The following RBPJ variants were observed in gnomAD, a reference collection of about 807,000 sequenced individuals.
RBPJ encodes the protein recombining binding protein suppressor of hairless.
A neutral mutation model predicts 67.8 loss-of-function variants in RBPJ; 9 were observed. The ratio of observed to expected loss-of-function variants is 0.13; its 90% confidence interval spans 0.08 to 0.23. The LOEUF (loss-of-function observed/expected upper bound fraction) is 0.23, where lower values mean the gene tolerates loss of function less well. RBPJ is among the 10% of genes least tolerant of loss of function. The probability of loss-of-function intolerance (pLI) is 1.00; values close to 1 mark genes in which losing one functional copy is unlikely to be tolerated. For synonymous variants in RBPJ, 198 were observed against 203.3 expected (o/e 0.97, Z 0.22); for missense variants, 305 against 595.6 (o/e 0.51, Z 5.08).
Position 26,431,662 on chromosome 4 carries a change from G to T in RBPJ, c.*655G>T, listed in dbSNP as rs749320486. On this transcript the variant is annotated 3_prime_UTR_variant, in exon 11 of 11. Transcript: ENST00000355476. ...ACTTTTCATGAGTCAAAATTGTTTG[G>T]ATTTCAGCAAGTCAAATCTTGCAAA... 1 of 150,896 alleles carries T rather than the reference G, an allele frequency of 6.6e-6. No homozygotes were observed. Among genetic ancestry groups the T allele is most frequent in the African/African-American group, 2.4e-5 (1 of 41,034 alleles). The allele number at this position is 150,896 out of a possible 1,614,324, so 9.3% of individuals were successfully genotyped here. A position where few individuals can be genotyped will look rare whatever the true frequency, so the allele number is the denominator to read the frequency against.
chr4:26,191,029 G>A (rs1485920549), intron 1 of RBPJ, among the ~76,000 whole-genome samples: 3 of 150,364 alleles, frequency 2.0e-5, no homozygotes, highest in African/African-American at 7.3e-5. Context: ...GCACACACCT[G>A]TGGTTCTAGC....
At chr4:26,144,420 C>T in the RBPJ span, among the ~76,000 whole-genome samples, 1 of 151,904 alleles carries the variant, frequency 6.6e-6, no homozygotes, top group Non-Finnish European at 1.5e-5. Flanking sequence ...CAGGCATGCA[C>T]CACCATGCCC....
intron 1 of RBPJ, among the ~76,000 whole-genome samples, chr4:26,265,680 G>C (rs1720683003): frequency 6.6e-6 from 1 of 152,108 alleles, no homozygotes; most frequent in Admixed American, 6.6e-5. Context: ...TCCTCAATCA[G>C]ATAAGGGAAC....
intron 1 of RBPJ, among the ~76,000 whole-genome samples, chr4:26,278,943 A>C (rs1721167884): frequency 6.6e-6 from 1 of 152,158 alleles, no homozygotes; most frequent in Non-Finnish European, 1.5e-5. Context: ...CTGGTGGCTA[A>C]GGGTGCTGCC....
intron 1 of RBPJ, among the ~76,000 whole-genome samples, chr4:26,252,157 GC>G (rs1044856826): frequency 6.6e-6 from 1 of 151,352 alleles, no homozygotes; most frequent in Non-Finnish European, 1.5e-5. Context: ...TGAAGTTTGA[GC>G]TTTTAGTGTA....
chr4:26,431,144 G>GT lies in RBPJ; in HGVS notation c.*138dup, dbSNP rs944912748. 1.9e-4 allele frequency: 63 copies of GT among 329,096 alleles called. No individual in the cohort carries two copies. Among genetic ancestry groups the GT allele is most frequent in the Admixed American group, 1.2e-3 (24 of 19,250 alleles). The allele number at this position is 329,096 out of a possible 1,614,324, so 20.4% of individuals were successfully genotyped here. A position where few individuals can be genotyped will look rare whatever the true frequency, so the allele number is the denominator to read the frequency against. On this transcript the variant is annotated 3_prime_UTR_variant, in exon 11 of 11. Transcript: ENST00000355476. The stretch of plus-strand genomic sequence containing the variant: ...GGTGATACTATTCAAAAACCCCGTT[G>GT]TCTCCCTGCAAGTGCTGATTTGAAA...
chr4:26,244,822 C>A (rs889857895), intron 1 of RBPJ, among the ~76,000 whole-genome samples: 1 of 151,836 alleles, frequency 6.6e-6, no homozygotes, highest in African/African-American at 2.4e-5. Flanking sequence ...TTAGTAGAGG[C>A]GAGGTTTTGA....
chr4:26,206,439 T>C (rs1718173142), intron 1 of RBPJ, among the ~76,000 whole-genome samples: 1 of 152,218 alleles, frequency 6.6e-6, no homozygotes. Context: ...CGAGAGTTTA[T>C]GTGTAACTTC....
chr4:26,305,458 G>T (rs1030172471), intron 1 of RBPJ, among the ~76,000 whole-genome samples: 2 of 152,134 alleles, frequency 1.3e-5, no homozygotes, highest in Non-Finnish European at 2.9e-5. Flanking sequence ...ATAAACATGG[G>T]ATGTTTTTCC....
At chr4:26,212,765 G>A (rs1016047582) in intron 1 of RBPJ, among the ~76,000 whole-genome samples, 24 of 152,060 alleles carry the variant, frequency 1.6e-4, no homozygotes, top group African/African-American at 5.1e-4. Context: ...GCTTTGCTGG[G>A]TTCCTCACTT....
At chr4:26,269,020 C>T (rs534797093) in intron 1 of RBPJ, among the ~76,000 whole-genome samples, 202 of 152,182 alleles carry the variant, frequency 1.3e-3, no homozygotes, top group African/African-American at 4.6e-3. Context: ...TCTCCTGATA[C>T]ACTGGCAACT....
At chr4:26,389,206 G>T (rs1218909488) in intron 2 of RBPJ, among the ~76,000 whole-genome samples, 2 of 150,260 alleles carry the variant, frequency 1.3e-5, no homozygotes, top group Non-Finnish European at 2.9e-5. Context: ...TCCAGCCTGG[G>T]TGACAGAGTG....
At chr4:26,172,751 T>C (rs1716641475) in intron 1 of RBPJ, among the ~76,000 whole-genome samples, 1 of 152,198 alleles carries the variant, frequency 6.6e-6, no homozygotes, top group Admixed American at 6.5e-5. Flanking sequence ...ATAAAAGCAC[T>C]AGCTCTCTAG....
chr4:26,419,143 T>A (rs1184660569), intron 4 of RBPJ, among the ~76,000 whole-genome samples: 1 of 152,046 alleles, frequency 6.6e-6, no homozygotes, highest in Non-Finnish European at 1.5e-5. Flanking sequence ...CATGCCTGGA[T>A]AATTTTTGTG....
intron 1 of RBPJ, among the ~76,000 whole-genome samples, chr4:26,380,968 A>G (rs1237612200): frequency 6.7e-6 from 1 of 150,328 alleles, no homozygotes; most frequent in Non-Finnish European, 1.5e-5. Flanking sequence ...TTTCGAATCA[A>G]AGTTCTACTG....
chr4:26,144,393 C>G, the RBPJ span, among the ~76,000 whole-genome samples: 1 of 151,500 alleles, frequency 6.6e-6, no homozygotes, highest in Non-Finnish European at 1.5e-5. Context: ...CCTCAGCCCC[C>G]CGAGTAGCTG....
intron 1 of RBPJ, among the ~76,000 whole-genome samples, chr4:26,277,130 AAT>A (rs1491171919): frequency 6.7e-6 from 1 of 150,006 alleles, no homozygotes; most frequent in African/African-American, 2.5e-5. Context: ...AAAAAAAAAA[AAT>A]TTAAATTAGC....
At chr4:26,280,415 A>AG (rs1491017035) in intron 1 of RBPJ, among the ~76,000 whole-genome samples, 2 of 148,346 alleles carry the variant, frequency 1.3e-5, no homozygotes, top group African/African-American at 5.1e-5. Context: ...AAAAAAAAAA[A>AG]AGAGAGAGAG....
At chr4:26,311,463 C>G (rs764361899) in intron 1 of RBPJ, among the ~76,000 whole-genome samples, 16 of 151,898 alleles carry the variant, frequency 1.1e-4, no homozygotes, top group Non-Finnish European at 2.1e-4. Context: ...TGCTTGAACC[C>G]AGGAGGTGGA....
Sources: gnomAD v4.1 joint callset for allele counts (sites outside exome capture counted in the v4.1 genomes callset) on GRCh38, gnomAD v4.1.1 for gene constraint, MANE v1.5 for transcripts, NCBI Gene and HGNC (gene_info 2026-07-23, HGNC 2026-07-21) for gene names.